The following STK26 variants were observed in gnomAD, a reference collection of about 807,000 sequenced individuals.
STK26 encodes the protein serine/threonine-protein kinase 26.
Under a neutral mutation model 34.7 loss-of-function variants are expected in STK26, and 14 were observed. The ratio of observed to expected loss-of-function variants is 0.40; its 90% CI spans 0.27 to 0.63. The LOEUF (loss-of-function observed/expected upper bound fraction) is 0.63. Among genes scored for constraint, STK26 ranks in the 30% least tolerant of loss-of-function variants. The pLI is 0.38. For missense variants in STK26, 226 were observed against 309.1 expected (o/e 0.73, Z 2.02); for synonymous variants, 100 against 109.8 (o/e 0.91, Z 0.56).
chrX:132,062,199 A>G (rs1025455736), intron 3 of STK26, among the ~76,000 whole-genome samples: 5 of 112,314 alleles, frequency 4.5e-5, no homozygotes, highest in Non-Finnish European at 9.4e-5. Flanking sequence ...TGCTGCCAGT[A>G]TAGTAAAGCC....
intron 2 of STK26, among the ~76,000 whole-genome samples, chrX:132,047,836 C>G (rs939062770): frequency 8.9e-6 from 1 of 111,785 alleles, no homozygotes; most frequent in East Asian, 2.8e-4. Context: ...ACCCCAACCA[C>G]CACAGTCTGG....
intron 3 of STK26, among the ~76,000 whole-genome samples, chrX:132,062,849 C>T (rs756819118): frequency 9.0e-6 from 1 of 111,718 alleles, no homozygotes; most frequent in Middle Eastern, 4.6e-3. Flanking sequence ...AAAAGGTATG[C>T]GGGTAGTCTA....
At chrX:132,038,908 C>A (rs895992075) in intron 2 of STK26, among the ~76,000 whole-genome samples, 1 of 111,363 alleles carries the variant, frequency 9.0e-6, no homozygotes, top group African/African-American at 3.3e-5. Context: ...TAGTAGTAGT[C>A]CAATTACTTT....
intron 3 of STK26, among the ~76,000 whole-genome samples, chrX:132,057,579 G>T (rs1326657183): frequency 9.0e-6 from 1 of 111,167 alleles, no homozygotes; most frequent in Non-Finnish European, 1.9e-5. Context: ...TATGTGGAGG[G>T]AGGGGATGAT....
At chrX:132,065,662 A>G (rs1242960906) in intron 4 of STK26, among the ~76,000 whole-genome samples, 1 of 112,449 alleles carries the variant, frequency 8.9e-6, no homozygotes, top group Admixed American at 9.4e-5. Flanking sequence ...AAATGTTGTT[A>G]GTACTGTATT....
chrX:132,023,468 G>C, intron 1 of STK26, 40 bp from the exon 2 acceptor site: 1 of 728,830 alleles, frequency 1.4e-6, no homozygotes, highest in South Asian at 2.3e-5. Context: ...CGGGCTACGC[G>C]CCGCCAGCCC....
intron 2 of STK26, among the ~76,000 whole-genome samples, chrX:132,036,427 T>C (rs1926051996): frequency 9.0e-6 from 1 of 111,433 alleles, no homozygotes; most frequent in Non-Finnish European, 1.9e-5. Flanking sequence ...AAACCCTGTC[T>C]CTACTCAAAA....
chrX:132,028,544 G>A (rs752296716), intron 2 of STK26, among the ~76,000 whole-genome samples: 3 of 111,624 alleles, frequency 2.7e-5, no homozygotes, highest in Non-Finnish European at 3.8e-5. Context: ...ACTCTATGCC[G>A]GGCACTTCAC....
Position 132,054,756 on chromosome X carries a change from C to A in STK26, c.168C>A (p.Asp56Glu). 1 of 1,210,769 alleles carries A rather than the reference C, an allele frequency of 8.3e-7. No homozygotes were observed. Among genetic ancestry groups the A allele is most frequent in the Non-Finnish European group, 1.1e-6 (1 of 894,998 alleles). Residue 56 changes from aspartate to glutamate, a missense_variant, in exon 3 of 12, where the codon GAC becomes GAA. Around this residue, in one of 2 missense-constraint regions of STK26, gnomAD observed 100 missense variants for 176.7 expected, o/e 0.57. Transcript: ENST00000394334. ...AAGTCGTTGCTATTAAAATCATAGA[C>A]CTTGAGGAAGCCGAAGATGAAATAG... ...TQQVVAIKII[D>E]LEEAEDEIED...
At chrX:132,047,660 G>A (rs1479514948) in intron 2 of STK26, among the ~76,000 whole-genome samples, 2 of 111,491 alleles carry the variant, frequency 1.8e-5, no homozygotes, top group Non-Finnish European at 3.8e-5. Context: ...AAAAAAAATA[G>A]TCTGAGAAAT....
chrX:132,043,414 T>C (rs1926333254), intron 2 of STK26, among the ~76,000 whole-genome samples: 1 of 111,711 alleles, frequency 9.0e-6, no homozygotes, highest in Non-Finnish European at 1.9e-5. Context: ...TTAGGATACC[T>C]GTTTTATCAT....
intron 2 of STK26, among the ~76,000 whole-genome samples, chrX:132,044,843 A>G: frequency 1.1e-5 from 1 of 87,998 alleles, no homozygotes; most frequent in South Asian, 5.3e-4. Flanking sequence ...AGAGATCTAT[A>G]TATATATTTA....
chrX:132,069,040 T>C (rs1393629621), intron 6 of STK26, among the ~76,000 whole-genome samples: 1 of 110,514 alleles, frequency 9.0e-6, no homozygotes, highest in Non-Finnish European at 1.9e-5. Flanking sequence ...GGCCATCTTA[T>C]GTAAATTTGC....
chrX:132,063,333 C>A, intron 3 of STK26, 100 bp from the exon 4 acceptor site: 1 of 725,889 alleles, frequency 1.4e-6, no homozygotes, highest in East Asian at 3.3e-5. Context: ...TGAGAACATG[C>A]AAATAGAATC....
chrX:132,045,320 A>G (rs774856387), intron 2 of STK26, among the ~76,000 whole-genome samples: 1 of 111,714 alleles, frequency 9.0e-6, no homozygotes, highest in Non-Finnish European at 1.9e-5. Context: ...GCTTGGCCAC[A>G]TGACCAGTAC....
chrX:132,050,639 G>A (rs1487989720), intron 2 of STK26, among the ~76,000 whole-genome samples: 1 of 111,972 alleles, frequency 8.9e-6, no homozygotes, highest in African/African-American at 3.2e-5. Flanking sequence ...TTGTTCAAGG[G>A]TCACCAGTGC....
chrX:132,033,650 G>C (rs1006020232), intron 2 of STK26, among the ~76,000 whole-genome samples: 2 of 111,690 alleles, frequency 1.8e-5, no homozygotes, highest in African/African-American at 6.5e-5. Context: ...GGTGACCCAG[G>C]TTTTATGTTT....
chrX:132,053,772 A>G (rs750667220), intron 2 of STK26, among the ~76,000 whole-genome samples: 26 of 112,028 alleles, frequency 2.3e-4, no homozygotes, highest in Non-Finnish European at 4.7e-4. Flanking sequence ...TTTCAGCAAG[A>G]TGAATTTAAG....
chrX:132,044,148 C>A (rs574894502), intron 2 of STK26, among the ~76,000 whole-genome samples: 1 of 111,562 alleles, frequency 9.0e-6, no homozygotes, highest in Non-Finnish European at 1.9e-5. Flanking sequence ...AAACATCCAA[C>A]GGCCATGGTG....
Sources: allele counts gnomAD v4.1 joint callset (sites outside exome capture counted in the v4.1 genomes callset), GRCh38; gene constraint gnomAD v4.1.1; regional missense constraint gnomAD v4.1.1; transcripts MANE v1.5; gene names NCBI Gene and HGNC (gene_info 2026-07-23, HGNC 2026-07-21).